The following CNTN3 variants were observed in gnomAD, a reference collection of about 807,000 sequenced individuals.
CNTN3 encodes the protein contactin-3.
CNTN3 carries 60 observed loss-of-function variants against 119.1 expected under a neutral mutation model. The observed-to-expected ratio is 0.50, with a 90% CI of 0.41 to 0.62. The LOEUF is 0.62. Among genes scored for constraint, CNTN3 ranks in the 20% least tolerant of loss-of-function variants. The pLI, the probability that CNTN3 is intolerant of heterozygous loss-of-function variation, is 0.00. For missense variants in CNTN3, 1,101 were observed against 1,242.4 expected, an observed-to-expected ratio of 0.89 and a Z score of 1.71; for synonymous variants, 450 against 438.7, an observed-to-expected ratio of 1.03 and a Z score of -0.32.
At chr3:74,430,985 G>A (rs1391106980) in intron 4 of CNTN3, among the ~76,000 whole-genome samples, 7 of 152,242 alleles carry the variant, frequency 4.6e-5, no homozygotes. Flanking sequence ...ACAACATGGG[G>A]CCAGTATCTC....
chr3:74,306,540 T>C (rs1233645539), intron 13 of CNTN3, among the ~76,000 whole-genome samples: 2 of 152,292 alleles, frequency 1.3e-5, no homozygotes, highest in South Asian at 2.1e-4. Context: ...AAGGTGCAAA[T>C]TCATAGCTTT....
chr3:74,546,478 A>G (rs1379412475), intron 1 of CNTN3, among the ~76,000 whole-genome samples: 1 of 152,206 alleles, frequency 6.6e-6, no homozygotes, highest in Non-Finnish European at 1.5e-5. Context: ...GGCACAATCT[A>G]ATCAGCTGCC....
intron 1 of CNTN3, among the ~76,000 whole-genome samples, chr3:74,564,147 T>C (rs563333680): frequency 6.6e-6 from 1 of 152,136 alleles, no homozygotes; most frequent in East Asian, 1.9e-4. Flanking sequence ...ATGGAGGAGA[T>C]CAAGGATGGA....
intron 5 of CNTN3, among the ~76,000 whole-genome samples, chr3:74,386,754 A>T (rs1704754239): frequency 6.6e-6 from 1 of 152,232 alleles, no homozygotes; most frequent in African/African-American, 2.4e-5. Context: ...ATTAAATAAG[A>T]TAATGCATAC....
At chr3:74,591,821 G>A (rs1401464366) in intron 1 of CNTN3, among the ~76,000 whole-genome samples, 1 of 151,884 alleles carries the variant, frequency 6.6e-6, no homozygotes, top group East Asian at 1.9e-4. Flanking sequence ...TCAAGAGCGA[G>A]ACATTCAGAT....
chr3:74,407,436 T>A (rs938303620), intron 5 of CNTN3, among the ~76,000 whole-genome samples: 32 of 9,890 alleles, frequency 3.2e-3, no homozygotes, highest in Admixed American at 5.9e-3. Flanking sequence ...GCCTGGCTAA[T>A]TTTTTTTTTT....
intron 13 of CNTN3, among the ~76,000 whole-genome samples, chr3:74,319,197 G>C (rs6810102): frequency 0.073 from 11,168 of 151,976 alleles, 463 homozygotes; most frequent in East Asian, 0.14. Flanking sequence ...AAAAAGAGCC[G>C]GCGTCGCCAA....
intron 4 of CNTN3, among the ~76,000 whole-genome samples, chr3:74,464,432 A>G (rs1461571460): frequency 3.3e-5 from 5 of 152,306 alleles, no homozygotes; most frequent in Admixed American, 3.3e-4. Context: ...ATATAAAAGC[A>G]GAAATGTATA....
At chr3:74,476,060 C>T (rs1702648080) in intron 4 of CNTN3, among the ~76,000 whole-genome samples, 1 of 152,066 alleles carries the variant, frequency 6.6e-6, no homozygotes, top group South Asian at 2.1e-4. Context: ...TTGTGACATG[C>T]CCTACGGAGA....
At chr3:74,273,148 T>C (rs186068190) in intron 20 of CNTN3, among the ~76,000 whole-genome samples, 4 of 152,252 alleles carry the variant, frequency 2.6e-5, no homozygotes, top group Admixed American at 2.6e-4. Context: ...ATATAAAAAT[T>C]TTAGAACTTC....
At chr3:74,363,331 C>T (rs1412451464) in intron 10 of CNTN3, among the ~76,000 whole-genome samples, 1 of 152,114 alleles carries the variant, frequency 6.6e-6, no homozygotes, top group African/African-American at 2.4e-5. Context: ...TGACATATAA[C>T]ATTTTGGGGT....
At chr3:74,516,491 G>A (rs1430198336) in intron 2 of CNTN3, among the ~76,000 whole-genome samples, 1 of 150,702 alleles carries the variant, frequency 6.6e-6, no homozygotes. Flanking sequence ...TTACTTTACT[G>A]TAAGAATACA....
At chr3:74,486,877 T>C (rs371007384) in intron 3 of CNTN3, among the ~76,000 whole-genome samples, 5 of 152,100 alleles carry the variant, frequency 3.3e-5, no homozygotes, top group African/African-American at 1.2e-4. Flanking sequence ...TCTTAGGAGG[T>C]GGGAATGATT....
rs973426121 is a variant in CNTN3 at position 74,444,083 on chromosome 3, C to A, written c.359-19143G>T. Among the ~76,000 whole-genome samples the A allele has an allele frequency of 5.3e-5, 8 of 152,242 alleles. No homozygotes were observed. The South Asian group carries it at 1.5e-3, about 28-fold the overall frequency. On this transcript the variant is annotated intron_variant, in intron 4 of 22. Coordinates refer to ENST00000263665, the MANE Select transcript of CNTN3 (RefSeq NM_020872.3). ...TGTAGATGCATCACTATAATCTCCG[C>A]CTCCATTGTCACGTAGCATTCTCCC...
chr3:74,340,442 G>A (rs960231909), intron 11 of CNTN3, among the ~76,000 whole-genome samples: 2 of 152,076 alleles, frequency 1.3e-5, no homozygotes, highest in Non-Finnish European at 2.9e-5. Flanking sequence ...AACTGTCAGA[G>A]AAGTCTTGGA....
At chr3:74,508,249 G>A (rs954698849) in intron 2 of CNTN3, among the ~76,000 whole-genome samples, 9 of 152,202 alleles carry the variant, frequency 5.9e-5, no homozygotes, top group Admixed American at 3.3e-4. Context: ...TCCTGACACC[G>A]TGTGAAGAAA....
In CNTN3 at chr3:74,361,927, A is replaced by C; in HGVS notation, c.1327T>G (p.Trp443Gly). The C allele has an allele frequency of 6.2e-7, 1 of 1,613,702 alleles. No individual in the cohort carries two copies. The highest frequency in any genetic ancestry group is 8.5e-7 in the Non-Finnish European group (1 of 1,179,734). ...PRASPRALSS[W>G]KKGDVSVQEH... is the part of the protein sequence containing the mutation. ...TGCACGCTCACATCCCCCTTCTTCC[A>C]GGAAGAGAGTGCCCTTGGGGAGGCT... The change falls in exon 11 of 23, where the codon TGG becomes GGG. Residue 443 changes from tryptophan to glycine, a missense_variant. Physicochemically the swap from Trp to Gly is radical, Grantham distance 184 (BLOSUM62 -2). Coordinates refer to ENST00000263665, the MANE Select transcript of CNTN3 (RefSeq NM_020872.3).
chr3:74,378,088 A>G (rs1235557747), intron 5 of CNTN3, among the ~76,000 whole-genome samples: 1 of 152,312 alleles, frequency 6.6e-6, no homozygotes, highest in East Asian at 1.9e-4. Flanking sequence ...AGCATATTTA[A>G]AAGTGTGTGA....
At chr3:74,405,255 TA>T (rs1705295928) in intron 5 of CNTN3, among the ~76,000 whole-genome samples, 2 of 152,094 alleles carry the variant, frequency 1.3e-5, no homozygotes, top group Non-Finnish European at 2.9e-5. Flanking sequence ...CACTCATCGA[TA>T]ATCTACTCTT....
Sources: allele counts gnomAD v4.1 joint callset (sites outside exome capture counted in the v4.1 genomes callset), GRCh38; gene constraint gnomAD v4.1.1; transcripts MANE v1.5; gene names NCBI Gene and HGNC (gene_info 2026-07-23, HGNC 2026-07-21).